The following PSPC1 variants were observed in gnomAD, a reference collection of about 807,000 sequenced individuals.
The protein encoded by PSPC1 is paraspeckle component 1.
PSPC1 carries 14 observed loss-of-function variants against 51.6 expected under a neutral mutation model. The ratio of observed to expected loss-of-function variants is 0.27; its 90% CI spans 0.18 to 0.42. PSPC1 has a LOEUF of 0.42. Among genes scored for constraint, PSPC1 ranks in the 10% least tolerant of loss-of-function variants. PSPC1 has a pLI of 1.00. For synonymous variants in PSPC1, 193 were observed against 231.9 expected (o/e 0.83, Z 1.53); for missense variants, 406 against 701.1 (o/e 0.58, Z 4.75).
At chr13:19,672,372 G>C (rs972759755), downstream of PSPC1, 1 of 153,792 alleles carries the variant, frequency 6.5e-6, no homozygotes. Flanking sequence ...TTGAACTCCT[G>C]ACCTCAGGTG....
At chr13:19,738,458 C>G (rs1289760235) in intron 5 of PSPC1, among the ~76,000 whole-genome samples, 1 of 152,056 alleles carries the variant, frequency 6.6e-6, no homozygotes, top group Non-Finnish European at 1.5e-5. Flanking sequence ...CTTATAATAC[C>G]TAATACAATG....
intron 6 of PSPC1, among the ~76,000 whole-genome samples, chr13:19,728,196 A>T (rs928186249): frequency 1.3e-5 from 2 of 152,232 alleles, no homozygotes; most frequent in Non-Finnish European, 2.9e-5. Context: ...TGAAATTATT[A>T]TTTAAAATGT....
rs751320950 is a variant in PSPC1, at chr13:19,782,601, GAGGCGC to G, written c.151_156del (p.Ala51_Pro52del). 4 of 1,584,798 alleles carry G rather than the reference GAGGCGC, an allele frequency of 2.5e-6. No individual in the cohort carries two copies. The highest frequency in any genetic ancestry group is 3.4e-6 in the Non-Finnish European group (4 of 1,168,350). On this transcript the variant is annotated inframe_deletion, in exon 1 of 9. Coordinates refer to ENST00000338910, the MANE Select transcript of PSPC1 (RefSeq NM_001354909.2). This position sits in a 1 kb window ranked among gnomAD's most constrained non-coding sequence, Gnocchi z 4.5. Reference sequence around the variant, plus strand: ...ATCTCCTCGTCCGGGTGGTCCTCTGGAGGCGCGGGCGCGGGCGGTGCCGGCTCCCCG... The same window carrying G: ...ATCTCCTCGTCCGGGTGGTCCTCTGGGGGCGCGGGCGGTGCCGGCTCCCCG...
chr13:19,675,618 G>A (rs576968111), intron 7 of PSPC1: 1 of 152,208 alleles, frequency 6.6e-6, no homozygotes, highest in East Asian at 1.9e-4. Flanking sequence ...TTTCTCCTAG[G>A]TCACGAACAG....
At chr13:19,699,407 T>C (rs1158836580), downstream of PSPC1, 23 of 151,956 alleles carry the variant, frequency 1.5e-4, no homozygotes, top group Non-Finnish European at 1.5e-5. Flanking sequence ...TACTTCATTT[T>C]ACACCACCAG....
intron 7 of PSPC1, chr13:19,675,217 ATT>A (rs1876508848): frequency 6.6e-6 from 1 of 152,356 alleles, no homozygotes. Flanking sequence ...CTTATTCCCA[ATT>A]TTGAGAGTTG....
intron 2 of PSPC1, among the ~76,000 whole-genome samples, chr13:19,762,131 C>CG (rs1456691625): frequency 6.6e-6 from 1 of 152,152 alleles, no homozygotes; most frequent in Non-Finnish European, 1.5e-5. Flanking sequence ...TTACACAGTG[C>CG]GGGAGAGGAG....
chr13:19,732,689 GCCTGAGGCAGGTGAATCA>G (rs1218496528), intron 5 of PSPC1, among the ~76,000 whole-genome samples: 1 of 152,146 alleles, frequency 6.6e-6, no homozygotes, highest in African/African-American at 2.4e-5. Flanking sequence ...CACTTTGGGA[GCCTGAGGCAGGTGAATCA>G]CCTGAGGTCA....
At chr13:19,760,595 G>A (rs1380647839) in intron 2 of PSPC1, among the ~76,000 whole-genome samples, 1 of 151,950 alleles carries the variant, frequency 6.6e-6, no homozygotes, top group African/African-American at 2.4e-5. Flanking sequence ...GCTCAAACCT[G>A]TAATTCTAGA....
In PSPC1 at chr13:19,782,493, G is replaced by A; in HGVS notation, c.265C>T (p.Leu89=). The change falls in exon 1 of 9, where the codon CTG becomes TTG. Residue 89 remains leucine (L), a synonymous_variant. Coordinates refer to ENST00000338910, the MANE Select transcript of PSPC1 (RefSeq NM_001354909.2). This position sits in a 1 kb window ranked among gnomAD's most constrained non-coding sequence, Gnocchi z 4.5. ...TQRCRLFVGN[L]PTDITEEDFK... ...TCCTCCTCCGTGATGTCGGTGGGCAGATTTCCCACGAAGAGGCGGCAGCGC... is the reference window on the plus strand; with the variant it reads ...TCCTCCTCCGTGATGTCGGTGGGCAAATTTCCCACGAAGAGGCGGCAGCGC... 3 of 1,613,336 alleles carry A rather than the reference G, an allele frequency of 1.9e-6. No homozygotes were observed. Among genetic ancestry groups the A allele is most frequent in the Non-Finnish European group, 2.5e-6 (3 of 1,179,642 alleles).
chr13:19,708,601 A>G (rs1429636559), intron 7 of PSPC1, among the ~76,000 whole-genome samples: 1 of 152,202 alleles, frequency 6.6e-6, no homozygotes, highest in Non-Finnish European at 1.5e-5. Flanking sequence ...AGTTGCTAAT[A>G]TGCTTTCTTA....
chr13:19,671,746 A>G, downstream of PSPC1: 2 of 1,200,776 alleles, frequency 1.7e-6, no homozygotes, highest in Non-Finnish European at 2.5e-6. Flanking sequence ...AAATAATAGA[A>G]GCAAATCTTG....
chr13:19,717,456 A>G (rs910711883), intron 6 of PSPC1, among the ~76,000 whole-genome samples: 6 of 151,922 alleles, frequency 3.9e-5, no homozygotes, highest in African/African-American at 1.5e-4. Context: ...CTGTAATCCA[A>G]GCAGTTTGGG....
chr13:19,709,275 C>G (rs927135155), intron 7 of PSPC1, among the ~76,000 whole-genome samples: 11 of 151,880 alleles, frequency 7.2e-5, no homozygotes, highest in South Asian at 2.1e-4. Flanking sequence ...TGTATTGCAA[C>G]CTGGTTTATA....
At chr13:19,750,633 A>C (rs1886448067) in intron 4 of PSPC1, among the ~76,000 whole-genome samples, 1 of 152,106 alleles carries the variant, frequency 6.6e-6, no homozygotes, top group South Asian at 2.1e-4. Context: ...CAAACAAAAA[A>C]TCCTGTATGT....
chr13:19,766,287 C>T (rs1406474581), intron 2 of PSPC1, among the ~76,000 whole-genome samples: 1 of 152,112 alleles, frequency 6.6e-6, no homozygotes, highest in South Asian at 2.1e-4. Flanking sequence ...GCACATGAAT[C>T]GCTTGAATCC....
In PSPC1 at chr13:19,677,671, A is replaced by G. The variant is rs985728916; in HGVS notation, c.*76+53T>C. The G allele has an allele frequency of 7.3e-6, 3 of 412,804 alleles. No homozygotes were observed. The Admixed American group carries it at 9.9e-5, about 14-fold the overall frequency. The allele number at this position is 412,804 out of a possible 1,614,324, so 25.6% of individuals were successfully genotyped here. A position where few individuals can be genotyped will look rare whatever the true frequency, so the allele number is the denominator to read the frequency against. On this transcript the variant is annotated intron_variant and NMD_transcript_variant, in intron 7 of 7. Coordinates refer to the PSPC1 transcript ENST00000471658. Reference sequence around the variant, plus strand: ...AAGAATTGACTAGAAAAAACTAGGAAGAAACGAATACTCAAGGATCTGTTA... The same window carrying G: ...AAGAATTGACTAGAAAAAACTAGGAGGAAACGAATACTCAAGGATCTGTTA...
chr13:19,780,608 G>A (rs1249840321), intron 1 of PSPC1, among the ~76,000 whole-genome samples: 1 of 120,230 alleles, frequency 8.3e-6, no homozygotes, highest in East Asian at 2.4e-4. Context: ...GATGCTTGAA[G>A]GCAGCATGCT....
At position 19,719,727 on chromosome 13, in the gene PSPC1, T is replaced by A. The variant is rs1374523616; in HGVS notation, c.1159-10128A>T. On this transcript the variant is annotated intron_variant, in intron 6 of 8. Transcript: ENST00000338910. ...ATGTGTAGCAAAATTAATGGCTGTT[T>A]TTTAATACATAGGGTGGCTTTCTAA... is the stretch of plus-strand genomic sequence containing the variant. Among the ~76,000 whole-genome samples the A allele has an allele frequency of 3.3e-5, 5 of 152,360 alleles. No individual in the cohort carries two copies. In the East Asian group the frequency reaches 9.6e-4, roughly 29 times the overall value.
Sources: allele counts gnomAD v4.1 joint callset (sites outside exome capture counted in the v4.1 genomes callset), GRCh38; gene constraint gnomAD v4.1.1; non-coding constraint Gnocchi (gnomAD v3.1); transcripts MANE v1.5; gene names NCBI Gene and HGNC (gene_info 2026-07-23, HGNC 2026-07-21).